The following DNAJC5 variants were observed in gnomAD, a reference collection of about 807,000 sequenced individuals.
DNAJC5 encodes the protein dnaJ homolog subfamily C member 5.
A neutral mutation model predicts 23.2 loss-of-function variants in DNAJC5; 1 was observed. That is an observed-to-expected ratio of 0.04 (90% CI 0.02 to 0.20). The LOEUF is 0.20. Among genes scored for constraint, DNAJC5 ranks in the 10% least tolerant of loss-of-function variants. The probability of loss-of-function intolerance (pLI) is 1.00; values close to 1 mark genes in which losing one functional copy is unlikely to be tolerated. For missense variants in DNAJC5, 180 were observed against 267.0 expected, an observed-to-expected ratio of 0.67 and a Z score of 2.27; for synonymous variants, 136 against 120.0, an observed-to-expected ratio of 1.13 and a Z score of -0.87.
Position 63,928,227 on chromosome 20 carries a change from T to C in DNAJC5, c.-11-108T>C. 2.3e-6 allele frequency: 2 copies of C among 874,718 alleles called. No homozygotes were observed. The highest frequency in any genetic ancestry group is 3.7e-6 in the Non-Finnish European group (2 of 540,632). The allele number at this position is 874,718 out of a possible 1,614,324, so 54.2% of individuals were successfully genotyped here. On this transcript the variant is annotated intron_variant, in intron 1 of 4. Coordinates refer to ENST00000360864, the MANE Select transcript of DNAJC5 (RefSeq NM_025219.3). This position sits in a 1 kb window ranked among gnomAD's most constrained non-coding sequence, Gnocchi z 4.6. ...GCACGTGGCAAACTCCACAAGGCAG[T>C]GTTGGATTCTTTTGCTTTGAACGGT...
rs1036008539 is a variant in DNAJC5 at position 63,927,927 on chromosome 20, TTTAA to T, written c.-11-397_-11-394del. Among the ~76,000 whole-genome samples the T allele has an allele frequency of 3.0e-4, 46 of 152,318 alleles. 1 individual carries two copies. Among genetic ancestry groups the T allele is most frequent in the African/African-American group, 8.9e-4 (37 of 41,574 alleles). On this transcript the variant is annotated intron_variant, in intron 1 of 4. Transcript: ENST00000360864. ...TAAGGATTACAATATGCATGTTTAT[TTTAA>T]TTAATTAATTTATTTTGTTTATTTA...
At chr20:63,901,361 T>A (rs1215211712) in intron 1 of DNAJC5, among the ~76,000 whole-genome samples, 1 of 152,220 alleles carries the variant, frequency 6.6e-6, no homozygotes, top group Non-Finnish European at 1.5e-5. Flanking sequence ...TGCCCTGCCC[T>A]CCTTGCTGTC....
intron 1 of DNAJC5, chr20:63,909,016 G>T (rs2053464627): frequency 6.6e-6 from 1 of 152,178 alleles, no homozygotes. Context: ...GCAAGGCTTA[G>T]CCATTGCACT....
Position 63,929,576 on chromosome 20 carries a change from G to A in DNAJC5, c.321+51G>A, listed in dbSNP as rs1295100250. ...GGCACCCGAGTCACTCCTGCCGTGC[G>A]GGCACCCGAGTCTCTCCTGCCGTGC... On this transcript the variant is annotated intron_variant, in intron 3 of 4. Transcript: ENST00000360864. The surrounding 1 kb of genome is among the most constrained non-coding windows in gnomAD (Gnocchi z 8.6). 8 of 1,595,984 alleles carry A rather than the reference G, an allele frequency of 5.0e-6. No homozygotes were observed. In the East Asian group the frequency reaches 6.8e-5, roughly 13 times the overall value.
chr20:63,924,098 C>A (rs2053592304), intron 1 of DNAJC5, among the ~76,000 whole-genome samples: 2 of 152,036 alleles, frequency 1.3e-5, no homozygotes, highest in Non-Finnish European at 2.9e-5. Flanking sequence ...TAGTATATGT[C>A]TTGAAATCAA....
At chr20:63,919,207 A>G (rs1263129392) in intron 1 of DNAJC5, among the ~76,000 whole-genome samples, 2 of 152,238 alleles carry the variant, frequency 1.3e-5, no homozygotes, top group Non-Finnish European at 1.5e-5. Context: ...TCTGAGGAGC[A>G]GGGACCTGCT....
chr20:63,899,871 G>A lies in DNAJC5; in HGVS notation c.-12+4548G>A, dbSNP rs570550989. Among the ~76,000 whole-genome samples the A allele has an allele frequency of 1.9e-3, 270 of 144,356 alleles. 1 individual carries two copies. Among genetic ancestry groups the A allele is most frequent in the African/African-American group, 6.4e-3 (253 of 39,620 alleles). 94.7% of individuals were successfully genotyped at this position (144,356 alleles called of 152,430 possible). On this transcript the variant is annotated intron_variant, in intron 1 of 4. Transcript: ENST00000360864. The stretch of plus-strand genomic sequence containing the variant: ...GCTGGGATTGCAGGTGTGAGCCACT[G>A]CGCCTGGGCTTTTTTTTTTTTTTTT...
At chr20:63,903,946 C>T (rs1232471884) in intron 1 of DNAJC5, among the ~76,000 whole-genome samples, 4 of 152,144 alleles carry the variant, frequency 2.6e-5, no homozygotes, top group East Asian at 1.9e-4. Context: ...GTTAGCTGGG[C>T]GTGGTGGTGC....
intron 1 of DNAJC5, 142 bp downstream of exon 1, chr20:63,895,465 C>T (rs531897559): frequency 1.4e-5 from 2 of 146,402 alleles, no homozygotes; most frequent in South Asian, 1.8e-4. Context: ...CGCGGGCGCT[C>T]GGGGCCGGAG....
chr20:63,903,389 C>T (rs1353185626), intron 1 of DNAJC5, among the ~76,000 whole-genome samples: 1 of 152,108 alleles, frequency 6.6e-6, no homozygotes, highest in Non-Finnish European at 1.5e-5. Flanking sequence ...CACACTGCAA[C>T]CTCCGCCTCC....
chr20:63,914,652 G>T (rs2053504763), intron 1 of DNAJC5, among the ~76,000 whole-genome samples: 1 of 139,514 alleles, frequency 7.2e-6, no homozygotes, highest in Non-Finnish European at 1.5e-5. Context: ...GTCTCGCTCT[G>T]TCGCCCAGGC....
intron 1 of DNAJC5, among the ~76,000 whole-genome samples, chr20:63,925,061 GGC>G (rs1568986784): frequency 1.7e-4 from 26 of 152,236 alleles, no homozygotes; most frequent in Non-Finnish European, 1.8e-4. Context: ...CCTACCTGAA[GGC>G]AGGAAAGTCC....
At chr20:63,911,848 A>ATT (rs556760873) in intron 1 of DNAJC5, among the ~76,000 whole-genome samples, 2 of 144,794 alleles carry the variant, frequency 1.4e-5, no homozygotes, top group Non-Finnish European at 3.0e-5. Flanking sequence ...GAGTTTTTGT[A>ATT]TTTTTTTTTT....
At chr20:63,900,890 A>G (rs1476675935) in intron 1 of DNAJC5, among the ~76,000 whole-genome samples, 1 of 152,248 alleles carries the variant, frequency 6.6e-6, no homozygotes, top group Non-Finnish European at 1.5e-5. Flanking sequence ...TACATTGAAC[A>G]TGTATCACCA....
chr20:63,921,902 C>G (rs1446011314), intron 1 of DNAJC5, among the ~76,000 whole-genome samples: 1 of 151,992 alleles, frequency 6.6e-6, no homozygotes, highest in Non-Finnish European at 1.5e-5. Context: ...CCTCAGCCTC[C>G]CAACTAGCTG....
chr20:63,928,514 A>G lies in DNAJC5; in HGVS notation c.107+62A>G. 7.1e-7 allele frequency: 1 copy of G among 1,399,768 alleles called. No individual in the cohort carries two copies. The highest frequency in any genetic ancestry group is 1.2e-5 in the South Asian group (1 of 86,452). 86.7% of individuals were successfully genotyped at this position (1,399,768 alleles called of 1,614,324 possible). A position where few individuals can be genotyped will look rare whatever the true frequency, so the allele number is the denominator to read the frequency against. Reference sequence around the variant, plus strand: ...AAGACACACATGCCCCGTGTGGTTTAGTCTGCATTTTACCAAGAACCATTG... The same window carrying G: ...AAGACACACATGCCCCGTGTGGTTTGGTCTGCATTTTACCAAGAACCATTG... On this transcript the variant is annotated intron_variant, in intron 2 of 4. Coordinates refer to ENST00000360864, the MANE Select transcript of DNAJC5 (RefSeq NM_025219.3). The surrounding 1 kb of genome is among the most constrained non-coding windows in gnomAD (Gnocchi z 4.6).
chr20:63,900,079 G>A (rs6011215), intron 1 of DNAJC5, among the ~76,000 whole-genome samples: 3 of 151,124 alleles, frequency 2.0e-5, no homozygotes, highest in African/African-American at 7.3e-5. Flanking sequence ...AGTAGAGATG[G>A]GGTTTTGCCA....
At chr20:63,918,194 T>C (rs1013036111) in intron 1 of DNAJC5, among the ~76,000 whole-genome samples, 1 of 152,260 alleles carries the variant, frequency 6.6e-6, no homozygotes, top group East Asian at 1.9e-4. Flanking sequence ...ATCTGCAGTG[T>C]AGACGAATCT....
chr20:63,914,544 C>G (rs988435035), intron 1 of DNAJC5, among the ~76,000 whole-genome samples: 15 of 151,684 alleles, frequency 9.9e-5, no homozygotes, highest in Admixed American at 3.9e-4. Flanking sequence ...GTCTCGATCT[C>G]CTGACCTCGT....
Sources: allele counts gnomAD v4.1 joint callset (sites outside exome capture counted in the v4.1 genomes callset), GRCh38; gene constraint gnomAD v4.1.1; non-coding constraint Gnocchi (gnomAD v3.1); transcripts MANE v1.5; gene names NCBI Gene and HGNC (gene_info 2026-07-23, HGNC 2026-07-21).